SNX29: variants seen among roughly 807,000 people sequenced by gnomAD.
The protein encoded by SNX29 is sorting nexin-29.
A neutral mutation model predicts 102.1 loss-of-function variants in SNX29; 78 were observed. The ratio of observed to expected loss-of-function variants is 0.76; its 90% CI spans 0.64 to 0.92. SNX29 has a LOEUF of 0.92. Among genes scored for constraint, SNX29 ranks in the 40% least tolerant of loss-of-function variants. The pLI is 0.00. For missense variants in SNX29, 1,280 were observed against 1,061.7 expected (o/e 1.21, Z -2.86); for synonymous variants, 580 against 414.5 (o/e 1.40, Z -4.85).
At chr16:12,026,363 G>A (rs1237916570) in intron 3 of SNX29, among the ~76,000 whole-genome samples, 1 of 152,236 alleles carries the variant, frequency 6.6e-6, no homozygotes, top group African/African-American at 2.4e-5. Context: ...ATGCACATGA[G>A]TGAGGCAGAA....
intron 13 of SNX29, among the ~76,000 whole-genome samples, chr16:12,155,954 A>G (rs1179184142): frequency 6.6e-6 from 1 of 152,138 alleles, no homozygotes; most frequent in Non-Finnish European, 1.5e-5. Context: ...AGTGGTATAA[A>G]AGGACTTGAC....
At chr16:12,418,444 C>T (rs2084733224) in intron 18 of SNX29, among the ~76,000 whole-genome samples, 1 of 151,862 alleles carries the variant, frequency 6.6e-6, no homozygotes, top group South Asian at 2.1e-4. Flanking sequence ...TTCAGTCTGG[C>T]TGTGGTCTTA....
intron 14 of SNX29, among the ~76,000 whole-genome samples, chr16:12,224,080 A>G (rs531823349): frequency 2.6e-5 from 4 of 152,084 alleles, no homozygotes; most frequent in Admixed American, 2.6e-4. Flanking sequence ...CCTAGCCAGC[A>G]TGCAGTTGGT....
chr16:12,211,299 C>A (rs1021300290), intron 14 of SNX29, among the ~76,000 whole-genome samples: 1 of 152,150 alleles, frequency 6.6e-6, no homozygotes, highest in African/African-American at 2.4e-5. Flanking sequence ...TCTGATACAG[C>A]CCAACCTTTT....
At chr16:12,298,776 C>T (rs937237477) in intron 15 of SNX29, among the ~76,000 whole-genome samples, 1 of 152,052 alleles carries the variant, frequency 6.6e-6, no homozygotes, top group African/African-American at 2.4e-5. Flanking sequence ...CCCCAGGGGC[C>T]CAGGGGTGAC....
chr16:12,476,424 A>ATATATATACATATG (rs1390467289), intron 18 of SNX29, among the ~76,000 whole-genome samples: 30 of 89,650 alleles, frequency 3.3e-4, no homozygotes, highest in Non-Finnish European at 5.2e-4. Context: ...ATATATATAT[A>ATATATATACATATG]TATATATATA....
intron 14 of SNX29, among the ~76,000 whole-genome samples, chr16:12,272,012 T>G (rs765190304): frequency 1.5e-4 from 23 of 152,266 alleles, no homozygotes; most frequent in Non-Finnish European, 2.4e-4. Context: ...GAATTGAAAT[T>G]TTTGGCATGC....
intron 19 of SNX29, among the ~76,000 whole-genome samples, chr16:12,524,208 T>G (rs191644117): frequency 1.3e-5 from 2 of 152,282 alleles, no homozygotes; most frequent in East Asian, 3.9e-4. Context: ...ACCTCTTTCT[T>G]AATCAGTGGC....
chr16:12,569,736 G>A lies in SNX29; in HGVS notation c.*1107G>A. 3 of 230,606 alleles carry A rather than the reference G, an allele frequency of 1.3e-5. No homozygotes were observed. The highest frequency in any genetic ancestry group is 2.6e-5 in the Non-Finnish European group (3 of 116,436). The allele number at this position is 230,606 out of a possible 1,614,324, so 14.3% of individuals were successfully genotyped here. ...GGGACCAGCAGCTGGGCAGCCCCCA[G>A]GGCTCCTCCTCCAGTGAGCTCACAT... On this transcript the variant is annotated 3_prime_UTR_variant, in exon 21 of 21. Transcript: ENST00000566228.
chr16:12,485,341 G>T (rs1220866302), intron 19 of SNX29, among the ~76,000 whole-genome samples: 1 of 152,186 alleles, frequency 6.6e-6, no homozygotes, highest in African/African-American at 2.4e-5. Context: ...GGCTCAGGGA[G>T]CGAATGAGAA....
intron 14 of SNX29, among the ~76,000 whole-genome samples, chr16:12,206,975 C>T (rs2077060876): frequency 6.6e-6 from 1 of 152,072 alleles, no homozygotes; most frequent in South Asian, 2.1e-4. Flanking sequence ...GATTCTTGGC[C>T]AGTAGCTGAC....
intron 20 of SNX29, among the ~76,000 whole-genome samples, chr16:12,548,578 G>T (rs944970555): frequency 3.1e-4 from 47 of 152,292 alleles, no homozygotes; most frequent in African/African-American, 1.1e-3. Context: ...TGGCTTCCCT[G>T]TAAGTCCCAC....
At chr16:12,534,867 G>T (rs1157848412) in intron 20 of SNX29, among the ~76,000 whole-genome samples, 1 of 152,126 alleles carries the variant, frequency 6.6e-6, no homozygotes, top group African/African-American at 2.4e-5. Flanking sequence ...CCAACCATGG[G>T]GGACAGTGCC....
At chr16:12,481,826 G>A (rs1391525306) in intron 19 of SNX29, among the ~76,000 whole-genome samples, 1 of 152,116 alleles carries the variant, frequency 6.6e-6, no homozygotes, top group Non-Finnish European at 1.5e-5. Flanking sequence ...TGAGTAACAG[G>A]AGGGGCCATA....
At chr16:12,062,499 C>G (rs897978860) in intron 9 of SNX29, among the ~76,000 whole-genome samples, 1 of 152,062 alleles carries the variant, frequency 6.6e-6, no homozygotes, top group Non-Finnish European at 1.5e-5. Flanking sequence ...TTATTGTTTT[C>G]TTTAGTGCAG....
intron 13 of SNX29, among the ~76,000 whole-genome samples, chr16:12,170,453 G>A (rs2076121446): frequency 6.6e-6 from 1 of 151,976 alleles, no homozygotes; most frequent in South Asian, 2.1e-4. Flanking sequence ...TAGCCCTGAG[G>A]TCATCAGTGG....
chr16:12,144,210 AT>A (rs1567246167), intron 13 of SNX29, among the ~76,000 whole-genome samples: 1 of 152,180 alleles, frequency 6.6e-6, no homozygotes, highest in Non-Finnish European at 1.5e-5. Context: ...AGAAAGGCTG[AT>A]TTTTAGCTCA....
intron 18 of SNX29, among the ~76,000 whole-genome samples, chr16:12,476,378 A>T (rs2087605116): frequency 3.6e-5 from 1 of 27,548 alleles, no homozygotes; most frequent in Admixed American, 6.3e-4. Flanking sequence ...AAAAAAAAAA[A>T]AAAAAATATA....
chr16:12,141,653 C>G (rs1326888077), intron 13 of SNX29, among the ~76,000 whole-genome samples: 1 of 152,252 alleles, frequency 6.6e-6, no homozygotes, highest in African/African-American at 2.4e-5. Context: ...TGTAGGATAA[C>G]TTACGGACAT....
Sources: gnomAD v4.1 joint callset for allele counts (sites outside exome capture counted in the v4.1 genomes callset) on GRCh38, gnomAD v4.1.1 for gene constraint, MANE v1.5 for transcripts, NCBI Gene and HGNC (gene_info 2026-07-23, HGNC 2026-07-21) for gene names.